Variants in COL6A3 observed in about 807,000 individuals in gnomAD.
COL6A3 encodes collagen alpha-3(VI) chain.
In COL6A3, 137 loss-of-function variants were observed where a neutral mutation model predicts 274.1. That is an observed-to-expected ratio of 0.50 (90% CI 0.44 to 0.58). The LOEUF (loss-of-function observed/expected upper bound fraction) is 0.58, where lower values mean the gene tolerates loss of function less well. COL6A3 is among the 20% of genes least tolerant of loss of function. COL6A3 has a pLI of 0.00. For synonymous variants in COL6A3, 1,650 were observed against 1,650.6 expected, an observed-to-expected ratio of 1.00 and a Z score of 0.01; for missense variants, 3,950 against 4,124.9, an observed-to-expected ratio of 0.96 and a Z score of 1.16.
chr2:237,357,724 G>C (rs138383759), intron 22 of COL6A3, 93 bp downstream of exon 22: 1 of 1,288,698 alleles, frequency 7.8e-7, no homozygotes. Flanking sequence ...TAAAGGCCAC[G>C]TCTTTGGCCT....
Position 237,368,831 on chromosome 2 carries a change from C to G in COL6A3, c.4632G>C (p.Leu1544=). The stretch of plus-strand genomic sequence containing the variant: ...GGGATTTTCCACCCAGGACCAGGAC[C>G]AGGTGTTGGGGCACCCCGTCTTCTA... ...SRIEDGVPQH[L]VLVLGGKSQD... The change falls in exon 10 of 44, where the codon CTG becomes CTC. Residue 1544 remains leucine (L), a synonymous_variant. Coordinates refer to ENST00000295550, the MANE Select transcript of COL6A3 (RefSeq NM_004369.4). The surrounding 1 kb of genome is among the most constrained non-coding windows in gnomAD (Gnocchi z 4.4). 6.2e-7 allele frequency: 1 copy of G among 1,614,178 alleles called. No homozygotes were observed. Among genetic ancestry groups the G allele is most frequent in the South Asian group, 1.1e-5 (1 of 91,082 alleles).
Position 237,371,176 on chromosome 2 carries a change from G to A in COL6A3, c.4285+556C>T, listed in dbSNP as rs957564453. Among the ~76,000 whole-genome samples the A allele has an allele frequency of 1.3e-5, 2 of 152,078 alleles. No homozygotes were observed. The highest frequency in any genetic ancestry group is 4.8e-5 in the African/African-American group (2 of 41,400). Reference sequence around the variant, plus strand: ...TAGCTCAAGTCCCCCCAGTCCTTCCGGCCACCCTCCTATGGAGATGCCCTC... The same window carrying A: ...TAGCTCAAGTCCCCCCAGTCCTTCCAGCCACCCTCCTATGGAGATGCCCTC... On this transcript the variant is annotated intron_variant, in intron 9 of 43. Coordinates refer to ENST00000295550, the MANE Select transcript of COL6A3 (RefSeq NM_004369.4). This position sits in a 1 kb window ranked among gnomAD's most constrained non-coding sequence, Gnocchi z 4.3.
chr2:237,339,685 A>G (rs570552211), intron 38 of COL6A3, among the ~76,000 whole-genome samples: 1 of 152,308 alleles, frequency 6.6e-6, no homozygotes, highest in East Asian at 1.9e-4. Context: ...TTTATACTTT[A>G]TAAATCCCCC....
At chr2:237,342,356 T>C in intron 36 of COL6A3, 195 bp from the exon 37 acceptor site, 1 of 609,314 alleles carries the variant, frequency 1.6e-6, no homozygotes, top group East Asian at 2.8e-5. Flanking sequence ...TTTATTCTAC[T>C]AGGGTGAGCT....
At chr2:237,330,443 G>A (rs189161035) in intron 42 of COL6A3, among the ~76,000 whole-genome samples, 40 of 152,266 alleles carry the variant, frequency 2.6e-4, no homozygotes, top group African/African-American at 7.9e-4. Context: ...TTTAGATGCC[G>A]AGCAAAGCAA....
chr2:237,371,161 C>T lies in COL6A3; in HGVS notation c.4285+571G>A, dbSNP rs373991881. On this transcript the variant is annotated intron_variant, in intron 9 of 43. Coordinates refer to ENST00000295550, the MANE Select transcript of COL6A3 (RefSeq NM_004369.4). The surrounding 1 kb of genome is among the most constrained non-coding windows in gnomAD (Gnocchi z 4.3). Reference sequence around the variant, plus strand: ...AAAATGACCTGCCACTAGCTCAAGTCCCCCCAGTCCTTCCGGCCACCCTCC... The same window carrying T: ...AAAATGACCTGCCACTAGCTCAAGTTCCCCCAGTCCTTCCGGCCACCCTCC... 1.3e-5 allele frequency among the ~76,000 whole-genome samples: 2 copies of T among 152,304 alleles called. No individual in the cohort carries two copies. Among genetic ancestry groups the T allele is most frequent in the East Asian group, 3.9e-4 (2 of 5,180 alleles).
intron 42 of COL6A3, chr2:237,326,456 G>A (rs778112634): frequency 6.6e-6 from 1 of 152,160 alleles, no homozygotes; most frequent in Admixed American, 6.5e-5. Flanking sequence ...CACGTCTGAT[G>A]TAGCCCAGCT....
At position 237,325,571 on chromosome 2, in the gene COL6A3, A is replaced by G; in HGVS notation, c.9482T>C (p.Val3161Ala). The G allele has an allele frequency of 6.2e-7, 1 of 1,614,142 alleles. No homozygotes were observed. The highest frequency in any genetic ancestry group is 1.3e-5 in the African/African-American group (1 of 75,038). ...KFGSQKECEKVCAPVLAKPGV... is the reference protein window; with the variant it reads ...KFGSQKECEKACAPVLAKPGV... Reference sequence around the variant, plus strand: ...GAAGAATCACTTACCAGGAGCGCAAACCTTTTCACATTCTTTCTGTGATCC... The same window carrying G: ...GAAGAATCACTTACCAGGAGCGCAAGCCTTTTCACATTCTTTCTGTGATCC... The change falls in exon 43 of 44, where the codon GTT (valine) becomes GCT (alanine). Residue 3161 changes from valine (V) to alanine (A), a missense_variant. Transcript: ENST00000295550.
chr2:237,386,860 A>C (rs1424443365), intron 4 of COL6A3, among the ~76,000 whole-genome samples: 1 of 152,192 alleles, frequency 6.6e-6, no homozygotes, highest in Non-Finnish European at 1.5e-5. Context: ...TGCCCCCACC[A>C]TACCTCCTAT....
intron 32 of COL6A3, among the ~76,000 whole-genome samples, chr2:237,345,506 A>T (rs1184562171): frequency 6.6e-6 from 1 of 152,152 alleles, no homozygotes; most frequent in Non-Finnish European, 1.5e-5. Flanking sequence ...CTGGGTCTAG[A>T]TTCTGCTTCT....
chr2:237,380,450 G>A (rs552367353), intron 5 of COL6A3, among the ~76,000 whole-genome samples: 4 of 152,178 alleles, frequency 2.6e-5, no homozygotes, highest in East Asian at 1.9e-4. Flanking sequence ...ATCCCTTAAC[G>A]AGAGAGAAGA....
chr2:237,367,051 T>C lies in COL6A3; in HGVS notation c.5136A>G (p.Lys1712=), dbSNP rs748590690. 11 of 1,614,106 alleles carry C rather than the reference T, an allele frequency of 6.8e-6. No homozygotes were observed. In the African/African-American group the frequency reaches 1.5e-4, roughly 22 times the overall value. ...CCTTAGTGTTGGCGTGTCTTCCCCCTTTGTAGACCACTTTGTTGATGGCGT... is the reference window on the plus strand; with the variant it reads ...CCTTAGTGTTGGCGTGTCTTCCCCCCTTGTAGACCACTTTGTTGATGGCGT... ...IIDAINKVVY[K]GGRHANTKVG... is the part of the protein sequence containing the mutation. The change falls in exon 11 of 44, where the codon AAA becomes AAG. Residue 1712 remains lysine (K), a synonymous_variant. Coordinates refer to ENST00000295550, the MANE Select transcript of COL6A3 (RefSeq NM_004369.4).
At chr2:237,352,425 C>G (rs753042677) in intron 26 of COL6A3, 97 bp downstream of exon 26, 3 of 1,215,132 alleles carry the variant, frequency 2.5e-6, no homozygotes, top group South Asian at 2.6e-5. Context: ...AAAGGGAGGT[C>G]TGTCTACAAT....
At chr2:237,393,715 G>A (rs552568340) in intron 3 of COL6A3, among the ~76,000 whole-genome samples, 2 of 152,364 alleles carry the variant, frequency 1.3e-5, no homozygotes, top group African/African-American at 2.4e-5. Flanking sequence ...GCTGTGGTAT[G>A]GTAGAGTTTG....
rs746148036 is a variant in COL6A3 at position 237,361,099 on chromosome 2, G to T, written c.6210+22C>A. ...ATCAAGGAGGGGGTGAAATTTTAGGGACTAAAACAATTTTTACTTACGGGT... is the reference window on the plus strand; with the variant it reads ...ATCAAGGAGGGGGTGAAATTTTAGGTACTAAAACAATTTTTACTTACGGGT... On this transcript the variant is annotated intron_variant, in intron 16 of 43. Transcript: ENST00000295550. This position sits in a 1 kb window ranked among gnomAD's most constrained non-coding sequence, Gnocchi z 5.1. 2.5e-6 allele frequency: 4 copies of T among 1,609,108 alleles called. No individual in the cohort carries two copies. The East Asian group carries it at 6.7e-5, about 27-fold the overall frequency.
In COL6A3 at chr2:237,347,883, C is replaced by T. The variant is rs747242856; in HGVS notation, c.6967-14G>A. On this transcript the variant is annotated splice_polypyrimidine_tract_variant and intron_variant, in intron 30 of 43. Coordinates refer to ENST00000295550, the MANE Select transcript of COL6A3 (RefSeq NM_004369.4). Reference sequence around the variant, plus strand: ...ACCTGGGTTACCCTGGGAAGAAAGCCGAGAAGTGGCACAGTAAGCTTTGGA... The same window carrying T: ...ACCTGGGTTACCCTGGGAAGAAAGCTGAGAAGTGGCACAGTAAGCTTTGGA... 1.2e-6 allele frequency: 2 copies of T among 1,605,246 alleles called. No homozygotes were observed. Among genetic ancestry groups the T allele is most frequent in the Non-Finnish European group, 1.7e-6 (2 of 1,175,146 alleles).
intron 27 of COL6A3, among the ~76,000 whole-genome samples, chr2:237,350,571 C>T (rs1246286592): frequency 6.6e-6 from 1 of 152,216 alleles, no homozygotes; most frequent in Non-Finnish European, 1.5e-5. Flanking sequence ...TTACAGAGAA[C>T]ATGCAGTCTT....
intron 5 of COL6A3, among the ~76,000 whole-genome samples, 199 bp from the exon 6 acceptor site, chr2:237,379,434 G>T (rs1222052715): frequency 6.6e-6 from 1 of 152,136 alleles, no homozygotes; most frequent in Non-Finnish European, 1.5e-5. Flanking sequence ...AGACATATTG[G>T]TAGCCGAGTT....
At chr2:237,356,580 C>T (rs1388237851) in intron 23 of COL6A3, among the ~76,000 whole-genome samples, 1 of 152,150 alleles carries the variant, frequency 6.6e-6, no homozygotes, top group Non-Finnish European at 1.5e-5. Context: ...GGCCCAGTTC[C>T]CAGCACCCAG....
Sources: allele counts gnomAD v4.1 joint callset (sites outside exome capture counted in the v4.1 genomes callset), GRCh38; gene constraint gnomAD v4.1.1; non-coding constraint Gnocchi (gnomAD v3.1); transcripts MANE v1.5; gene names NCBI Gene and HGNC (gene_info 2026-07-23, HGNC 2026-07-21).